The following SRSF9 variants were observed in gnomAD, a reference collection of about 807,000 sequenced individuals.
SRSF9 encodes the protein serine/arginine-rich splicing factor 9.
SRSF9 carries 3 observed loss-of-function variants against 25.9 expected under a neutral mutation model. The ratio of observed to expected loss-of-function variants is 0.12; its 90% CI spans 0.05 to 0.30. The LOEUF is 0.30. SRSF9 is among the 10% of genes least tolerant of loss of function. The pLI is 1.00. For synonymous variants in SRSF9, 114 were observed against 113.2 expected, an observed-to-expected ratio of 1.01 and a Z score of -0.05; for missense variants, 161 against 303.5, an observed-to-expected ratio of 0.53 and a Z score of 3.49.
intron 1 of SRSF9, 106 bp downstream of exon 1, chr12:120,469,315 CG>C (rs1321999262): frequency 9.5e-6 from 6 of 634,308 alleles, no homozygotes; most frequent in African/African-American, 5.8e-5. Flanking sequence ...TGCGCGGAGG[CG>C]GGGGGAGGGG....
At chr12:120,463,529 A>G (rs988745696) in intron 3 of SRSF9, 5 of 154,710 alleles carry the variant, frequency 3.2e-5, no homozygotes, top group African/African-American at 1.2e-4. Flanking sequence ...CCCTGACAGC[A>G]GGACCTAGAA....
chr12:120,466,781 C>T (rs1232722000), intron 1 of SRSF9, among the ~76,000 whole-genome samples: 2 of 152,178 alleles, frequency 1.3e-5, no homozygotes, highest in Admixed American at 6.5e-5. Flanking sequence ...GGCGATCCTT[C>T]CCCTCAGTCT....
chr12:120,469,695 CT>C lies in SRSF9; in HGVS notation c.-87del, dbSNP rs1878594425. 3.5e-6 allele frequency: 3 copies of C among 855,058 alleles called. No individual in the cohort carries two copies. In the Admixed American group the frequency reaches 1.4e-4, roughly 41 times the overall value. The allele number at this position is 855,058 out of a possible 1,614,324, so 53.0% of individuals were successfully genotyped here. On this transcript the variant is annotated 5_prime_UTR_variant, in exon 1 of 4. Coordinates refer to ENST00000229390, the MANE Select transcript of SRSF9 (RefSeq NM_003769.3). The stretch of plus-strand genomic sequence containing the variant: ...GGTCCCCCCGCAGCGTCCCCGCGGG[CT>C]CCGAGGCGCTCAGCCGCACTGCATT...
chr12:120,462,464 C>T, intron 3 of SRSF9: 1 of 228,160 alleles, frequency 4.4e-6, no homozygotes, highest in Non-Finnish European at 8.7e-6. Flanking sequence ...TGAATTACTG[C>T]CATTGACCCC....
intron 2 of SRSF9, chr12:120,464,330 C>T (rs1453263027): frequency 1.6e-5 from 8 of 498,346 alleles, no homozygotes; most frequent in Non-Finnish European, 2.4e-5. Flanking sequence ...GTTTTAAGTT[C>T]ATCTTCCAGA....
At chr12:120,467,412 A>G (rs1277027007) in intron 1 of SRSF9, among the ~76,000 whole-genome samples, 3 of 152,080 alleles carry the variant, frequency 2.0e-5, no homozygotes, top group Non-Finnish European at 4.4e-5. Flanking sequence ...GAGGCACGAG[A>G]ATCTCTTGAA....
chr12:120,463,873 C>G, intron 3 of SRSF9, 77 bp downstream of exon 3: 1 of 1,505,258 alleles, frequency 6.6e-7, no homozygotes, highest in Non-Finnish European at 8.9e-7. Flanking sequence ...ATGGCATGGC[C>G]TCTTGCTACC....
intron 2 of SRSF9, chr12:120,464,988 T>G (rs1878451611): frequency 6.6e-6 from 1 of 152,162 alleles, no homozygotes; most frequent in Admixed American, 6.6e-5. Flanking sequence ...TTGTGTGACA[T>G]TCACATCTTA....
rs199783590 is a variant in SRSF9 at position 120,465,739 on chromosome 12, C to T, written c.237G>A (p.Gln79=). 1.9e-6 allele frequency: 3 copies of T among 1,604,620 alleles called. No homozygotes were observed. Among genetic ancestry groups the T allele is most frequent in the Admixed American group, 1.7e-5 (1 of 57,328 alleles). Residue 79 remains glutamine, a synonymous_variant, in exon 2 of 4, where the codon CAG becomes CAA. Transcript: ENST00000229390. ...IYGRNGYDYG[Q]CRLRVEFPRT... is the part of the protein sequence containing the mutation. ...TGGGGAACTCCACACGAAGCCGACA[C>T]TGGCCATAATCATAACCATTTCTTC...
chr12:120,464,228 G>T lies in SRSF9; in HGVS notation c.350-106C>A, dbSNP rs555871853. On this transcript the variant is annotated intron_variant, in intron 2 of 3. Coordinates refer to ENST00000229390, the MANE Select transcript of SRSF9 (RefSeq NM_003769.3). ...CTTTCTCCATGATCACTTAAATCCT[G>T]AGGGTCCCCAAATCATAAACCTTGA... 6.1e-6 allele frequency: 8 copies of T among 1,311,906 alleles called. No homozygotes were observed. The Admixed American group carries it at 1.8e-4, about 29-fold the overall frequency. 81.3% of individuals were successfully genotyped at this position (1,311,906 alleles called of 1,614,324 possible).
In SRSF9 at chr12:120,461,969, AAGC is replaced by A. The variant is rs750852833; in HGVS notation, c.*47_*49del. On this transcript the variant is annotated 3_prime_UTR_variant, in exon 4 of 4. Coordinates refer to ENST00000229390, the MANE Select transcript of SRSF9 (RefSeq NM_003769.3). ...ATCTGGAATGTAGATTCTGAGCACAAAGCAGCTCAGTTAACCTAAAAAATAAAG... is the reference window on the plus strand; with the variant it reads ...ATCTGGAATGTAGATTCTGAGCACAAAGCTCAGTTAACCTAAAAAATAAAG... The A allele has an allele frequency of 1.3e-6, 2 of 1,540,186 alleles. No individual in the cohort carries two copies. The highest frequency in any genetic ancestry group is 2.5e-5 in the South Asian group (2 of 81,522).
chr12:120,468,250 T>G (rs992197466), intron 1 of SRSF9, among the ~76,000 whole-genome samples: 2 of 151,686 alleles, frequency 1.3e-5, no homozygotes, highest in Admixed American at 1.3e-4. Flanking sequence ...CTGAGCAACA[T>G]GGTGAAACCC....
At chr12:120,468,868 A>T (rs539723589) in intron 1 of SRSF9, among the ~76,000 whole-genome samples, 1 of 152,164 alleles carries the variant, frequency 6.6e-6, no homozygotes, top group Non-Finnish European at 1.5e-5. Context: ...CTGTTTTAGA[A>T]GTTTTCCCGA....
intron 3 of SRSF9, chr12:120,463,495 G>C (rs2137049360): frequency 6.5e-6 from 1 of 153,050 alleles, no homozygotes; most frequent in South Asian, 2.1e-4. Context: ...ACTACTCTGG[G>C]AAAAAAGTGA....
At chr12:120,463,921 A>G (rs763744277) in intron 3 of SRSF9, 29 bp downstream of exon 3, 7 of 1,576,902 alleles carry the variant, frequency 4.4e-6, no homozygotes, top group Non-Finnish European at 6.0e-6. Context: ...ATTTGAGTAC[A>G]AGCTCCTCAA....
At position 120,469,648 on chromosome 12, in the gene SRSF9, T is replaced by TCGCCGC. The variant is rs767750305; in HGVS notation, c.-45_-40dup. The TCGCCGC allele has an allele frequency of 4.0e-6, 5 of 1,236,910 alleles. No homozygotes were observed. Among genetic ancestry groups the TCGCCGC allele is most frequent in the Non-Finnish European group, 5.1e-6 (5 of 985,814 alleles). The allele number at this position is 1,236,910 out of a possible 1,614,324, so 76.6% of individuals were successfully genotyped here. Reference sequence around the variant, plus strand: ...CGCCGCGGGCCCGCCGCAGCCCACGTCGCCGCCGCCGCCTCAGCACGGGTC... The same window carrying TCGCCGC: ...CGCCGCGGGCCCGCCGCAGCCCACGTCGCCGCCGCCGCCGCCGCCTCAGCACGGGTC... On this transcript the variant is annotated 5_prime_UTR_variant, in exon 1 of 4. Transcript: ENST00000229390.
At chr12:120,463,149 C>T (rs768808463) in intron 3 of SRSF9, 5 of 152,036 alleles carry the variant, frequency 3.3e-5, no homozygotes, top group Non-Finnish European at 7.4e-5. Flanking sequence ...TTTCTGGTCT[C>T]AATGGTACCA....
At chr12:120,469,337 G>GA in intron 1 of SRSF9, 85 bp downstream of exon 1, 1 of 960,200 alleles carries the variant, frequency 1.0e-6, no homozygotes, top group Non-Finnish European at 1.5e-6. Context: ...AGGCCGGGGG[G>GA]AGGGGAGCCC....
rs980705988 is a variant in SRSF9, at chr12:120,469,684, G to C, written c.-75C>G. ...GCCTCAGCACGGGTCCCCCCGCAGCGTCCCCGCGGGCTCCGAGGCGCTCAG... is the reference window on the plus strand; with the variant it reads ...GCCTCAGCACGGGTCCCCCCGCAGCCTCCCCGCGGGCTCCGAGGCGCTCAG... On this transcript the variant is annotated 5_prime_UTR_variant, in exon 1 of 4. Transcript: ENST00000229390. 1.4e-5 allele frequency: 14 copies of C among 994,156 alleles called. No individual in the cohort carries two copies. The highest frequency in any genetic ancestry group is 1.4e-4 in the African/African-American group (8 of 58,190). 61.6% of individuals were successfully genotyped at this position (994,156 alleles called of 1,614,324 possible).
Sources: gnomAD v4.1 joint callset for allele counts (sites outside exome capture counted in the v4.1 genomes callset) on GRCh38, gnomAD v4.1.1 for gene constraint, MANE v1.5 for transcripts, NCBI Gene and HGNC (gene_info 2026-07-23, HGNC 2026-07-21) for gene names.